The following TEX101 variants were observed in gnomAD, a reference collection of about 807,000 sequenced individuals.
The protein encoded by TEX101 is testis-expressed protein 101.
Under a neutral mutation model 18.1 loss-of-function variants are expected in TEX101, and 10 were observed. The ratio of observed to expected loss-of-function variants is 0.55; its 90% CI spans 0.34 to 0.94. The LOEUF is 0.94. Ranked by LOEUF, TEX101 falls within the 40% of genes least tolerant of loss-of-function variation. The pLI is 0.02. For missense variants in TEX101, 259 were observed against 298.9 expected, an observed-to-expected ratio of 0.87 and a Z score of 0.98; for synonymous variants, 94 against 114.8, an observed-to-expected ratio of 0.82 and a Z score of 1.16.
rs375017559 is a variant in TEX101, at chr19:43,407,214, T to G, written c.15+695T>G. 3.0e-4 allele frequency among the ~76,000 whole-genome samples: 45 copies of G among 152,314 alleles called. 1 individual carries two copies. The highest frequency in any genetic ancestry group is 9.9e-4 in the African/African-American group (41 of 41,586). The stretch of plus-strand genomic sequence containing the variant: ...AAAACCTGAGCTGGGGCTGGGGCTG[T>G]GGCTCACGCCTATAATCCCAGCACT... On this transcript the variant is annotated intron_variant, in intron 3 of 7. Transcript: ENST00000602198.
Position 43,416,800 on chromosome 19 carries a change from G to C in TEX101, c.391+245G>C, listed in dbSNP as rs540680868. Reference sequence around the variant, plus strand: ...GTTTATTAAGCAATAAGACAGGCTGGGTGAGGTGGATCGCCTGAGGTCAGG... The same window carrying C: ...GTTTATTAAGCAATAAGACAGGCTGCGTGAGGTGGATCGCCTGAGGTCAGG... On this transcript the variant is annotated intron_variant, in intron 4 of 5. Coordinates refer to ENST00000598265, the MANE Select transcript of TEX101 (RefSeq NM_001130011.3). 4.6e-5 allele frequency among the ~76,000 whole-genome samples: 7 copies of C among 152,204 alleles called. No homozygotes were observed. In the South Asian group the frequency reaches 1.5e-3, roughly 32 times the overall value.
At chr19:43,407,572 T>C (rs1195703711) in intron 3 of TEX101, among the ~76,000 whole-genome samples, 1 of 152,132 alleles carries the variant, frequency 6.6e-6, no homozygotes, top group African/African-American at 2.4e-5. Flanking sequence ...GATTTCACGC[T>C]AGTGAGCATG....
the TEX101 span, among the ~76,000 whole-genome samples, chr19:43,396,063 A>C: frequency 2.6e-5 from 4 of 151,454 alleles, no homozygotes; most frequent in East Asian, 7.8e-4. Flanking sequence ...GCCTGCCCTT[A>C]CTCCCCACTT....
At chr19:43,411,490 G>C (rs1019934051), upstream of TEX101, among the ~76,000 whole-genome samples, 1 of 152,232 alleles carries the variant, frequency 6.6e-6, no homozygotes, top group Non-Finnish European at 1.5e-5. Context: ...CAATAATCCA[G>C]TGACCAATGG....
At chr19:43,414,598 A>C (rs190697033), upstream of TEX101, among the ~76,000 whole-genome samples, 371 of 152,302 alleles carry the variant, frequency 2.4e-3, no homozygotes, top group African/African-American at 8.3e-3. Context: ...GGAGAAGCAG[A>C]GACAACAGAG....
chr19:43,393,413 T>C, the TEX101 span, among the ~76,000 whole-genome samples: 664 of 152,308 alleles, frequency 4.4e-3, 1 homozygote, highest in African/African-American at 0.014. Context: ...ATCCAGTCCC[T>C]GTCTCTGAAC....
chr19:43,415,174 A>G, intron 1 of TEX101, 136 bp downstream of exon 1: 1 of 480,538 alleles, frequency 2.1e-6, no homozygotes, highest in East Asian at 2.4e-4. Context: ...AGACTCCTCG[A>G]TCCCTACATA....
intron 1 of TEX101, chr19:43,402,677 T>G (rs1213570318): frequency 6.6e-6 from 1 of 151,922 alleles, no homozygotes; most frequent in Non-Finnish European, 1.5e-5. Flanking sequence ...GCCTCCTGGG[T>G]TCACGCCATT....
upstream of TEX101, among the ~76,000 whole-genome samples, chr19:43,412,469 C>T (rs576108329): frequency 2.0e-4 from 30 of 152,174 alleles, no homozygotes; most frequent in African/African-American, 3.6e-4. Flanking sequence ...AACTATGTCA[C>T]GGAGCAAGAG....
At chr19:43,403,166 T>C (rs1036123212) in intron 2 of TEX101, among the ~76,000 whole-genome samples, 1 of 152,210 alleles carries the variant, frequency 6.6e-6, no homozygotes, top group Non-Finnish European at 1.5e-5. Context: ...ATTGATCTGG[T>C]GCCTCCACTC....
upstream of TEX101, among the ~76,000 whole-genome samples, chr19:43,396,710 C>T (rs2036294847): frequency 6.6e-6 from 1 of 151,908 alleles, no homozygotes; most frequent in African/African-American, 2.4e-5. Flanking sequence ...ACAGAAGCTG[C>T]ATTAGTTATC....
At chr19:43,399,868 T>C (rs960575553), upstream of TEX101, among the ~76,000 whole-genome samples, 4 of 146,906 alleles carry the variant, frequency 2.7e-5, 1 homozygote, top group African/African-American at 1.0e-4. Flanking sequence ...AGTGCTGGAG[T>C]GCAATGGTAT....
At chr19:43,389,556 G>C in the TEX101 span, among the ~76,000 whole-genome samples, 1 of 152,112 alleles carries the variant, frequency 6.6e-6, no homozygotes, top group African/African-American at 2.4e-5. Context: ...GGGCCCTGTG[G>C]CCTCCAAGCT....
At chr19:43,404,578 C>T (rs1365870327) in intron 2 of TEX101, among the ~76,000 whole-genome samples, 1 of 152,056 alleles carries the variant, frequency 6.6e-6, no homozygotes, top group Admixed American at 6.6e-5. Context: ...ATATATTTCA[C>T]CAAGATTCAC....
intron 3 of TEX101, among the ~76,000 whole-genome samples, chr19:43,407,772 C>T (rs1458801426): frequency 6.6e-6 from 1 of 152,238 alleles, no homozygotes; most frequent in African/African-American, 2.4e-5. Context: ...CCTGGGATAG[C>T]CGGTCGTCGC....
chr19:43,396,859 C>T (rs1970271547), upstream of TEX101, among the ~76,000 whole-genome samples: 1 of 99,944 alleles, frequency 1.0e-5, no homozygotes, highest in East Asian at 3.3e-4. Flanking sequence ...TTTTTTGAGA[C>T]GGAGTCTCGC....
At chr19:43,409,080 A>G (rs1333723968) in intron 3 of TEX101, among the ~76,000 whole-genome samples, 3 of 152,258 alleles carry the variant, frequency 2.0e-5, no homozygotes, top group African/African-American at 7.2e-5. Context: ...AGTTTAATTG[A>G]GTAATGAATG....
chr19:43,389,816 ATC>A, the TEX101 span, among the ~76,000 whole-genome samples: 2 of 151,248 alleles, frequency 1.3e-5, no homozygotes, highest in African/African-American at 4.9e-5. Context: ...CATGTCCTAC[ATC>A]TCTCTCTGCT....
chr19:43,399,721 A>G (rs1259602909), upstream of TEX101, among the ~76,000 whole-genome samples: 1 of 151,172 alleles, frequency 6.6e-6, no homozygotes, highest in East Asian at 1.9e-4. Flanking sequence ...GTTTCAATCC[A>G]TTGCATCCAC....
Sources: gnomAD v4.1 joint callset for allele counts (sites outside exome capture counted in the v4.1 genomes callset) on GRCh38, gnomAD v4.1.1 for gene constraint, MANE v1.5 for transcripts, NCBI Gene and HGNC (gene_info 2026-07-23, HGNC 2026-07-21) for gene names.